The following NLGN3 variants were observed in gnomAD, a reference collection of about 807,000 sequenced individuals.
NLGN3 encodes neuroligin 3, also known as neuroligin-3.
Under a neutral mutation model 42.9 loss-of-function variants are expected in NLGN3, and 11 were observed. The ratio of observed to expected loss-of-function variants is 0.26; its 90% confidence interval spans 0.16 to 0.42. The LOEUF is 0.42. Ranked by LOEUF, NLGN3 falls within the 10% of genes least tolerant of loss-of-function variation. The probability of loss-of-function intolerance (pLI) is 1.00; values close to 1 mark genes in which losing one functional copy is unlikely to be tolerated. For missense variants in NLGN3, 374 were observed against 733.8 expected (o/e 0.51, Z 5.67); for synonymous variants, 279 against 312.7 (o/e 0.89, Z 1.14).
intron 3 of NLGN3, among the ~76,000 whole-genome samples, chrX:71,151,650 C>A (rs772307229): frequency 3.6e-5 from 4 of 112,231 alleles, no homozygotes; most frequent in Admixed American, 2.8e-4. Flanking sequence ...GCTGAAGGAG[C>A]AAAGGCATCT....
chrX:71,173,740 G>T (rs1232859258), downstream of NLGN3, among the ~76,000 whole-genome samples: 1 of 112,615 alleles, frequency 8.9e-6, no homozygotes, highest in Non-Finnish European at 1.9e-5. Flanking sequence ...TTTACATACT[G>T]TGGGGGATAG....
intron 7 of NLGN3, among the ~76,000 whole-genome samples, chrX:71,168,817 AAAAAAAAGAAAG>A (rs2092456975): frequency 1.5e-5 from 1 of 65,739 alleles, no homozygotes; most frequent in Non-Finnish European, 2.7e-5. Context: ...AGAAAGAGAA[AAAAAAAAGAAAG>A]AAAGAAAGAA....
chrX:71,156,977 G>T lies in NLGN3; in HGVS notation c.727+1614G>T, dbSNP rs917257197. On this transcript the variant is annotated intron_variant, in intron 5 of 7. Transcript: ENST00000358741. ...GAGGTAAACGAGTGCCTCAGAGAGG[G>T]TGACTAAGCACACAGGGCCCTGCTC... is the stretch of plus-strand genomic sequence containing the variant. Among the ~76,000 whole-genome samples, 5 of 111,056 alleles carry T rather than the reference G, an allele frequency of 4.5e-5. No individual in the cohort carries two copies. In the East Asian group the frequency reaches 1.1e-3, roughly 25 times the overall value.
intron 1 of NLGN3, among the ~76,000 whole-genome samples, chrX:71,146,365 G>T (rs1214086221): frequency 9.3e-6 from 1 of 107,173 alleles, no homozygotes; most frequent in African/African-American, 3.5e-5. Context: ...TGTGGCGTGG[G>T]TGTGCGTGTG....
intron 1 of NLGN3, among the ~76,000 whole-genome samples, chrX:71,146,182 C>G (rs982213757): frequency 0.029 from 1,936 of 65,693 alleles, 41 homozygotes; most frequent in Admixed American, 0.089. Flanking sequence ...GACACACACA[C>G]ACACACACAC....
At chrX:71,154,599 G>C (rs1012392736) in intron 4 of NLGN3, among the ~76,000 whole-genome samples, 1 of 111,965 alleles carries the variant, frequency 8.9e-6, no homozygotes. Context: ...AGGGAGAATG[G>C]GGAAATGGGC....
At chrX:71,166,596 T>C in intron 6 of NLGN3, among the ~76,000 whole-genome samples, 1 of 112,191 alleles carries the variant, frequency 8.9e-6, no homozygotes, top group African/African-American at 3.2e-5. Context: ...CCTGCCTGCA[T>C]TTCTCATCTC....
intron 5 of NLGN3, 123 bp downstream of exon 5, chrX:71,155,486 A>T: frequency 1.1e-6 from 1 of 909,987 alleles, no homozygotes; most frequent in East Asian, 3.1e-5. Context: ...CCACAGTCAA[A>T]ATGGTGTTAT....
At chrX:71,151,821 C>T (rs1002327620) in intron 3 of NLGN3, among the ~76,000 whole-genome samples, 8 of 112,157 alleles carry the variant, frequency 7.1e-5, no homozygotes, top group Non-Finnish European at 1.3e-4. Flanking sequence ...GGAAGGAATT[C>T]GTGTCTGGGG....
At chrX:71,146,164 C>CAG (rs2092368132) in intron 1 of NLGN3, among the ~76,000 whole-genome samples, 1 of 48,010 alleles carries the variant, frequency 2.1e-5, no homozygotes, top group African/African-American at 1.1e-4. Context: ...CACACACACA[C>CAG]ACACACAGAC....
At position 71,167,930 on chromosome X, in the gene NLGN3, C is replaced by T. The variant is rs1602329902; in HGVS notation, c.1703+130C>T. 3 of 580,713 alleles carry T rather than the reference C, an allele frequency of 5.2e-6. No homozygotes were observed. In the East Asian group the frequency reaches 1.0e-4, roughly 20 times the overall value. 47.9% of individuals were successfully genotyped at this position (580,713 alleles called of 1,213,427 possible). A position where few individuals can be genotyped will look rare whatever the true frequency, so the allele number is the denominator to read the frequency against. Reference sequence around the variant, plus strand: ...CAAAATCTTGCTTGGTACCCCTTCACTCATCTTCCTATCTCCCCTTCCTGA... The same window carrying T: ...CAAAATCTTGCTTGGTACCCCTTCATTCATCTTCCTATCTCCCCTTCCTGA... On this transcript the variant is annotated intron_variant, in intron 7 of 7. Transcript: ENST00000358741.
chrX:71,150,888 T>A (rs1471351274), intron 3 of NLGN3, among the ~76,000 whole-genome samples: 4 of 110,556 alleles, frequency 3.6e-5, no homozygotes, highest in Non-Finnish European at 3.8e-5. Flanking sequence ...CATTTACCAA[T>A]CGTGATTGTT....
At chrX:71,153,359 C>A in intron 3 of NLGN3, 118 bp from the exon 4 acceptor site, 1 of 732,878 alleles carries the variant, frequency 1.4e-6, no homozygotes, top group Non-Finnish European at 2.1e-6. Flanking sequence ...CCTGCCTGTC[C>A]TGGGCCCAGG....
rs1177409651 is a variant in NLGN3, at chrX:71,148,678, C to T, written c.458-168C>T. ...TCTTTCACTAGCTGATGCCTCCTCC[C>T]GCGGGGGTCACACTAAGGTAAGTGA... is the stretch of plus-strand genomic sequence containing the variant. On this transcript the variant is annotated intron_variant, in intron 2 of 7. Transcript: ENST00000358741. 7.4e-5 allele frequency among the ~76,000 whole-genome samples: 8 copies of T among 107,523 alleles called. No individual in the cohort carries two copies. In the South Asian group the frequency reaches 1.6e-3, roughly 22 times the overall value. 93.4% of individuals were successfully genotyped at this position (107,523 alleles called of 115,157 possible).
At chrX:71,175,289 TA>T (rs1324979130), downstream of NLGN3, among the ~76,000 whole-genome samples, 1 of 111,746 alleles carries the variant, frequency 8.9e-6, no homozygotes, top group Non-Finnish European at 1.9e-5. Context: ...AAAATTATAA[TA>T]AAAGTTTCAG....
At chrX:71,157,318 ATTT>A (rs2147884519) in intron 5 of NLGN3, among the ~76,000 whole-genome samples, 1 of 102,494 alleles carries the variant, frequency 9.8e-6, no homozygotes, top group African/African-American at 3.7e-5. Flanking sequence ...TTATTTATTT[ATTT>A]ATTATTTTTA....
chrX:71,169,303 G>A lies in NLGN3; in HGVS notation c.1753G>A (p.Ala585Thr). 1 of 1,210,401 alleles carries A rather than the reference G, an allele frequency of 8.3e-7. No homozygotes were observed. Among genetic ancestry groups the A allele is most frequent in the Non-Finnish European group, 1.1e-6 (1 of 894,967 alleles). Reference protein sequence around the residue: ...PQDTKFIHTKANRFEEVAWSK... With the variant: ...PQDTKFIHTKTNRFEEVAWSK... ...GGACACCAAGTTCATTCACACCAAGGCCAACCGCTTTGAGGAAGTGGCCTG... is the reference window on the plus strand; with the variant it reads ...GGACACCAAGTTCATTCACACCAAGACCAACCGCTTTGAGGAAGTGGCCTG... Residue 585 changes from alanine (A) to threonine (T), a missense_variant, in exon 8 of 8, where the codon GCC becomes ACC. This residue lies in a region of NLGN3 where 142 missense variants were observed against 359.1 expected (regional missense o/e 0.40). Transcript: ENST00000358741.
At chrX:71,146,004 G>A (rs1275399166) in intron 1 of NLGN3, among the ~76,000 whole-genome samples, 1 of 75,570 alleles carries the variant, frequency 1.3e-5, no homozygotes, top group Admixed American at 1.7e-4. Flanking sequence ...CCCCACACCC[G>A]GGTGCATTCT....
intron 5 of NLGN3, among the ~76,000 whole-genome samples, chrX:71,158,989 C>T (rs1269070690): frequency 9.0e-6 from 1 of 111,133 alleles, no homozygotes; most frequent in East Asian, 2.8e-4. Flanking sequence ...GAACAATGCA[C>T]ACATGCGTGT....
Sources: allele counts gnomAD v4.1 joint callset (sites outside exome capture counted in the v4.1 genomes callset), GRCh38; gene constraint gnomAD v4.1.1; regional missense constraint gnomAD v4.1.1; transcripts MANE v1.5; gene names NCBI Gene and HGNC (gene_info 2026-07-23, HGNC 2026-07-21).